Variants in PLPP1 observed in about 807,000 individuals in gnomAD.
The protein encoded by PLPP1 is lipid phosphate phosphohydrolase 1a.
In PLPP1, 24 loss-of-function variants were observed where a neutral mutation model predicts 31.2. That is an observed-to-expected ratio of 0.77 (90% CI 0.56 to 1.08). The LOEUF is 1.08. Ranked by LOEUF, PLPP1 falls within the 50% of genes least tolerant of loss-of-function variation. The pLI, the probability that PLPP1 is intolerant of heterozygous loss-of-function variation, is 0.00. For missense variants in PLPP1, 319 were observed against 342.7 expected (o/e 0.93, Z 0.55); for synonymous variants, 146 against 126.3 (o/e 1.16, Z -1.05).
chr5:55,520,756 A>C (rs1244683695), intron 1 of PLPP1, among the ~76,000 whole-genome samples: 2 of 152,238 alleles, frequency 1.3e-5, no homozygotes, highest in African/African-American at 4.8e-5. Context: ...CCAATATTAG[A>C]GTGTTTTCAC....
At chr5:55,451,761 C>T (rs889153856) in intron 3 of PLPP1, among the ~76,000 whole-genome samples, 3 of 152,090 alleles carry the variant, frequency 2.0e-5, no homozygotes, top group African/African-American at 7.2e-5. Flanking sequence ...CGGGGTTTCA[C>T]CCTGTTGGTC....
intron 3 of PLPP1, among the ~76,000 whole-genome samples, chr5:55,466,302 T>C (rs1359635927): frequency 1.3e-5 from 2 of 152,218 alleles, no homozygotes; most frequent in African/African-American, 4.8e-5. Context: ...CTAAGGTCCA[T>C]GAAGATGGGG....
intron 1 of PLPP1, among the ~76,000 whole-genome samples, chr5:55,499,613 C>A (rs1234017781): frequency 6.6e-6 from 1 of 152,052 alleles, no homozygotes; most frequent in Non-Finnish European, 1.5e-5. Context: ...AGATTCATAA[C>A]ATTGTTGTTC....
chr5:55,446,566 A>G (rs1561226664), intron 3 of PLPP1, among the ~76,000 whole-genome samples: 1 of 152,178 alleles, frequency 6.6e-6, no homozygotes, highest in South Asian at 2.1e-4. Flanking sequence ...TTGTTTCCAC[A>G]TAGGTCCATT....
chr5:55,436,039 T>C (rs961384502), intron 4 of PLPP1, among the ~76,000 whole-genome samples: 2 of 150,876 alleles, frequency 1.3e-5, no homozygotes, highest in Non-Finnish European at 3.0e-5. Flanking sequence ...AAAAAAAACT[T>C]CTTAGCCGGG....
chr5:55,474,132 G>C (rs1177754637), intron 2 of PLPP1, among the ~76,000 whole-genome samples: 1 of 151,936 alleles, frequency 6.6e-6, no homozygotes, highest in African/African-American at 2.4e-5. Flanking sequence ...GAGTAGCTGG[G>C]ATTACAGGTG....
chr5:55,489,762 G>A (rs1752848442), intron 1 of PLPP1, among the ~76,000 whole-genome samples: 1 of 152,146 alleles, frequency 6.6e-6, no homozygotes, highest in African/African-American at 2.4e-5. Flanking sequence ...CAGTCCTACA[G>A]CAGAACAAGG....
intron 1 of PLPP1, among the ~76,000 whole-genome samples, chr5:55,480,796 G>A (rs568658414): frequency 5.0e-4 from 76 of 152,298 alleles, no homozygotes; most frequent in African/African-American, 1.8e-3. Context: ...CTAATGGGTA[G>A]ATACCTACAA....
In PLPP1 at chr5:55,441,902, G is replaced by A; in HGVS notation, c.498C>T (p.Ser166=). The A allele has an allele frequency of 6.2e-7, 1 of 1,613,346 alleles. No homozygotes were observed. Among genetic ancestry groups the A allele is most frequent in the Non-Finnish European group, 8.5e-7 (1 of 1,179,294 alleles). ...AAAACGAAGAGTGGCCTGAATAGAA[G>A]GACAACCTGGAAGAAAAAGAAGACA... ...NAERVKEGRL[S]FYSGHSSFSM... Residue 166 remains serine (S), a synonymous_variant, in exon 4 of 6, where the codon TCC becomes TCT. Coordinates refer to ENST00000307259, the MANE Select transcript of PLPP1 (RefSeq NM_003711.4).
At chr5:55,451,774 G>T (rs1289182185) in intron 3 of PLPP1, among the ~76,000 whole-genome samples, 1 of 152,076 alleles carries the variant, frequency 6.6e-6, no homozygotes, top group Non-Finnish European at 1.5e-5. Flanking sequence ...TGTTGGTCAG[G>T]CTGGTCTCAA....
intron 1 of PLPP1, among the ~76,000 whole-genome samples, chr5:55,481,970 C>T (rs1291430515): frequency 6.7e-6 from 1 of 150,182 alleles, no homozygotes; most frequent in Non-Finnish European, 1.5e-5. Context: ...TTTAAGATAT[C>T]TCCAAAGAGG....
intron 1 of PLPP1, among the ~76,000 whole-genome samples, chr5:55,511,318 A>T (rs1405791004): frequency 2.0e-5 from 3 of 152,234 alleles, no homozygotes; most frequent in Non-Finnish European, 4.4e-5. Context: ...ACAGCATAAT[A>T]GCACAATTGC....
intron 1 of PLPP1, among the ~76,000 whole-genome samples, chr5:55,509,317 A>C (rs532538447): frequency 2.0e-5 from 3 of 152,358 alleles, no homozygotes; most frequent in African/African-American, 7.2e-5. Context: ...AGCACTGTAC[A>C]GTATATTTGA....
intron 1 of PLPP1, among the ~76,000 whole-genome samples, chr5:55,489,298 CT>C (rs923490954): frequency 6.6e-6 from 1 of 152,190 alleles, no homozygotes; most frequent in African/African-American, 2.4e-5. Flanking sequence ...GAAACTTTAT[CT>C]GGCAACAGTT....
chr5:55,503,065 G>A (rs1753180551), intron 1 of PLPP1, among the ~76,000 whole-genome samples: 1 of 152,144 alleles, frequency 6.6e-6, no homozygotes, highest in Non-Finnish European at 1.5e-5. Flanking sequence ...TAACCCAACA[G>A]TGTCTTCTTG....
intron 1 of PLPP1, among the ~76,000 whole-genome samples, chr5:55,502,005 G>T (rs551502721): frequency 6.6e-6 from 1 of 152,198 alleles, no homozygotes; most frequent in South Asian, 2.1e-4. Flanking sequence ...ATAAAAGAGT[G>T]GCACTGTCTT....
chr5:55,485,604 A>G (rs1018464619), intron 1 of PLPP1, among the ~76,000 whole-genome samples: 1 of 152,098 alleles, frequency 6.6e-6, no homozygotes, highest in African/African-American at 2.4e-5. Context: ...AAATGAAAAC[A>G]GAAAAATTTC....
chr5:55,530,539 G>T, intron 1 of PLPP1: 12 of 1,222,728 alleles, frequency 9.8e-6, no homozygotes, highest in Non-Finnish European at 1.5e-5. Flanking sequence ...TGAAAGTTTG[G>T]AATGATAGAA....
At chr5:55,455,535 T>A (rs991442407) in intron 3 of PLPP1, among the ~76,000 whole-genome samples, 3 of 152,188 alleles carry the variant, frequency 2.0e-5, no homozygotes, top group African/African-American at 7.2e-5. Flanking sequence ...AATGGGAGAT[T>A]GGTTGCACCC....
Sources: allele counts gnomAD v4.1 joint callset (sites outside exome capture counted in the v4.1 genomes callset), GRCh38; gene constraint gnomAD v4.1.1; transcripts MANE v1.5; gene names NCBI Gene and HGNC (gene_info 2026-07-23, HGNC 2026-07-21).